Variants in HAO1 observed in about 807,000 individuals in gnomAD.
The protein encoded by HAO1 is hydroxyacid oxidase 1.
A neutral mutation model predicts 39.7 loss-of-function variants in HAO1; 34 were observed. The observed-to-expected ratio is 0.86, with a 90% CI of 0.65 to 1.14. HAO1 has a LOEUF of 1.14. HAO1 is among the 50% of genes most tolerant of loss of function. The pLI, the probability that HAO1 is intolerant of heterozygous loss-of-function variation, is 0.00. For missense variants in HAO1, 479 were observed against 464.5 expected (o/e 1.03, Z -0.29); for synonymous variants, 172 against 173.2 (o/e 0.99, Z 0.05).
intron 2 of HAO1, among the ~76,000 whole-genome samples, chr20:7,932,625 T>C (rs2050390781): frequency 1.3e-5 from 2 of 152,320 alleles, no homozygotes; most frequent in Admixed American, 6.5e-5. Flanking sequence ...GCAACTGATT[T>C]CTCACAATTT....
At chr20:7,923,583 G>C (rs927190330) in intron 2 of HAO1, among the ~76,000 whole-genome samples, 1 of 152,134 alleles carries the variant, frequency 6.6e-6, no homozygotes, top group African/African-American at 2.4e-5. Context: ...GACCTTGAGG[G>C]TCTTCAGAAG....
chr20:7,935,327 A>G (rs1208042310), intron 1 of HAO1, among the ~76,000 whole-genome samples: 2 of 152,226 alleles, frequency 1.3e-5, no homozygotes, highest in African/African-American at 2.4e-5. Context: ...ACATTCACGT[A>G]CAGGTTCTTG....
chr20:7,900,734 A>G (rs1366133897), intron 4 of HAO1, among the ~76,000 whole-genome samples: 1 of 152,154 alleles, frequency 6.6e-6, no homozygotes, highest in Non-Finnish European at 1.5e-5. Flanking sequence ...TAATAACTCT[A>G]CAATGGCTTC....
chr20:7,937,440 T>A (rs989905875), intron 1 of HAO1, among the ~76,000 whole-genome samples: 2 of 152,090 alleles, frequency 1.3e-5, no homozygotes, highest in African/African-American at 4.8e-5. Context: ...GTGACATTTA[T>A]GCCTATGAGA....
intron 3 of HAO1, among the ~76,000 whole-genome samples, chr20:7,907,029 A>C (rs182453289): frequency 6.6e-6 from 1 of 152,292 alleles, no homozygotes. Flanking sequence ...ACAGGTGTTA[A>C]CATGACTGTC....
At chr20:7,930,101 T>G (rs1371502894) in intron 2 of HAO1, among the ~76,000 whole-genome samples, 1 of 152,090 alleles carries the variant, frequency 6.6e-6, no homozygotes, top group Non-Finnish European at 1.5e-5. Flanking sequence ...TCACTTACTC[T>G]CACTGACCCT....
intron 5 of HAO1, among the ~76,000 whole-genome samples, chr20:7,891,738 A>G (rs553060246): frequency 6.6e-6 from 1 of 152,334 alleles, no homozygotes; most frequent in East Asian, 1.9e-4. Context: ...AAGCCCTTCT[A>G]GACGTGTCCA....
chr20:7,927,631 G>A (rs1174646639), intron 2 of HAO1, among the ~76,000 whole-genome samples: 1 of 152,046 alleles, frequency 6.6e-6, no homozygotes, highest in Non-Finnish European at 1.5e-5. Flanking sequence ...TGTAATTCAT[G>A]ACCCATTGTT....
intron 5 of HAO1, among the ~76,000 whole-genome samples, chr20:7,887,382 T>G (rs1974842494): frequency 6.6e-6 from 1 of 152,122 alleles, no homozygotes; most frequent in African/African-American, 2.4e-5. Context: ...CCCTAAAATT[T>G]TAGAGGGTTT....
intron 2 of HAO1, among the ~76,000 whole-genome samples, chr20:7,918,104 G>C (rs2050315230): frequency 6.6e-6 from 1 of 152,160 alleles, no homozygotes; most frequent in Non-Finnish European, 1.5e-5. Context: ...CTGCATGTAG[G>C]AGGAATATCA....
rs376889862 is a variant in HAO1, at chr20:7,884,150, C to T, written c.1043-487G>A. Among the ~76,000 whole-genome samples the T allele has an allele frequency of 7.2e-5, 11 of 152,266 alleles. No individual in the cohort carries two copies. In the East Asian group the frequency reaches 1.9e-3, roughly 27 times the overall value. ...ATCAACTCACAGCCATTCTTTCTAGCTACAGGTTCTTTCTGAGTCAAATTA... is the reference window on the plus strand; with the variant it reads ...ATCAACTCACAGCCATTCTTTCTAGTTACAGGTTCTTTCTGAGTCAAATTA... On this transcript the variant is annotated intron_variant, in intron 7 of 7. Coordinates refer to ENST00000378789, the MANE Select transcript of HAO1 (RefSeq NM_017545.3).
intron 2 of HAO1, among the ~76,000 whole-genome samples, chr20:7,929,293 A>G (rs2423335): frequency 0.59 from 89,429 of 152,036 alleles, 29,992 homozygotes; most frequent in East Asian, 0.99. Context: ...TAAAGATTTC[A>G]GAGACTTTGG....
At chr20:7,937,686 A>G (rs147227022) in intron 1 of HAO1, among the ~76,000 whole-genome samples, 3 of 152,354 alleles carry the variant, frequency 2.0e-5, no homozygotes, top group Non-Finnish European at 4.4e-5. Context: ...CGTGAAGACC[A>G]TAGTTGAGAA....
intron 2 of HAO1, among the ~76,000 whole-genome samples, chr20:7,922,996 A>C (rs1343267934): frequency 6.6e-6 from 1 of 152,150 alleles, no homozygotes; most frequent in Non-Finnish European, 1.5e-5. Context: ...TTTCTATTAG[A>C]GTTAAATCAC....
At chr20:7,933,840 A>T (rs2122799648) in intron 2 of HAO1, among the ~76,000 whole-genome samples, 1 of 152,284 alleles carries the variant, frequency 6.6e-6, no homozygotes, top group South Asian at 2.1e-4. Flanking sequence ...CCCTAATAAG[A>T]GATTTCTTTA....
intron 2 of HAO1, among the ~76,000 whole-genome samples, chr20:7,923,723 G>A (rs2050345456): frequency 6.6e-6 from 1 of 152,142 alleles, no homozygotes; most frequent in Non-Finnish European, 1.5e-5. Flanking sequence ...AATCACATGG[G>A]TATGTTAACA....
intron 4 of HAO1, among the ~76,000 whole-genome samples, chr20:7,903,986 T>G (rs1354879143): frequency 1.3e-5 from 2 of 152,084 alleles, no homozygotes; most frequent in Non-Finnish European, 2.9e-5. Context: ...GTAAATCTAA[T>G]TCAATTGATT....
intron 4 of HAO1, among the ~76,000 whole-genome samples, chr20:7,902,773 C>T (rs2050226618): frequency 6.6e-6 from 1 of 152,168 alleles, no homozygotes; most frequent in Non-Finnish European, 1.5e-5. Context: ...CATTTGTTTG[C>T]TAGTGTGAGT....
intron 4 of HAO1, among the ~76,000 whole-genome samples, chr20:7,897,289 G>A (rs2050201988): frequency 6.6e-6 from 1 of 152,112 alleles, no homozygotes; most frequent in African/African-American, 2.4e-5. Flanking sequence ...GATAAGTTGT[G>A]ATTTGTTTTC....
Sources: gnomAD v4.1 joint callset for allele counts (sites outside exome capture counted in the v4.1 genomes callset) on GRCh38, gnomAD v4.1.1 for gene constraint, MANE v1.5 for transcripts, NCBI Gene and HGNC (gene_info 2026-07-23, HGNC 2026-07-21) for gene names.